The following KCNJ6 variants were observed in gnomAD, a reference collection of about 807,000 sequenced individuals.
The protein encoded by KCNJ6 is G protein-activated inward rectifier potassium channel 2.
KCNJ6 carries 9 observed loss-of-function variants against 34.2 expected under a neutral mutation model. The ratio of observed to expected loss-of-function variants is 0.26; its 90% CI spans 0.16 to 0.46. The LOEUF (loss-of-function observed/expected upper bound fraction) is 0.46, where lower values mean the gene tolerates loss of function less well. Among genes scored for constraint, KCNJ6 ranks in the 20% least tolerant of loss-of-function variants. The pLI is 1.00. For missense variants in KCNJ6, 236 were observed against 531.3 expected (o/e 0.44, Z 5.46); for synonymous variants, 196 against 207.1 (o/e 0.95, Z 0.46).
At chr21:37,785,780 C>T (rs1229909389) in intron 2 of KCNJ6, among the ~76,000 whole-genome samples, 2 of 152,200 alleles carry the variant, frequency 1.3e-5, no homozygotes, top group East Asian at 1.9e-4. Context: ...TCGTCATCCA[C>T]AAGGTGATGG....
At chr21:37,671,493 G>A (rs1042803792) in intron 3 of KCNJ6, among the ~76,000 whole-genome samples, 15 of 152,242 alleles carry the variant, frequency 9.9e-5, no homozygotes, top group Admixed American at 9.8e-4. Context: ...ATGGGTAGGT[G>A]TAAGTAGAGT....
intron 3 of KCNJ6, among the ~76,000 whole-genome samples, chr21:37,644,551 C>T (rs935709779): frequency 2.6e-5 from 4 of 152,068 alleles, no homozygotes; most frequent in African/African-American, 7.2e-5. Flanking sequence ...GGAAATAGAA[C>T]GTGTAAACCT....
At chr21:37,824,750 G>A (rs2055390721) in intron 2 of KCNJ6, among the ~76,000 whole-genome samples, 1 of 152,186 alleles carries the variant, frequency 6.6e-6, no homozygotes, top group Non-Finnish European at 1.5e-5. Context: ...ATAATTGTAA[G>A]TTTCCTGAGG....
chr21:37,842,519 G>A (rs1009891968), intron 1 of KCNJ6, among the ~76,000 whole-genome samples: 3 of 152,202 alleles, frequency 2.0e-5, no homozygotes, highest in African/African-American at 7.2e-5. Context: ...AAATCAGCAC[G>A]CTGCCTCTTA....
chr21:37,669,172 C>T (rs1383682555), intron 3 of KCNJ6, among the ~76,000 whole-genome samples: 7 of 152,176 alleles, frequency 4.6e-5, no homozygotes, highest in Non-Finnish European at 1.0e-4. Flanking sequence ...CAACCAATTG[C>T]CAATCAGAAA....
chr21:37,699,378 T>C (rs906763399), intron 3 of KCNJ6, among the ~76,000 whole-genome samples: 4 of 152,192 alleles, frequency 2.6e-5, no homozygotes, highest in Admixed American at 2.6e-4. Context: ...TTCCCACTCC[T>C]CCTCTATTAC....
chr21:37,742,553 T>C (rs530637889), intron 2 of KCNJ6, among the ~76,000 whole-genome samples: 1 of 152,320 alleles, frequency 6.6e-6, no homozygotes, highest in East Asian at 1.9e-4. Flanking sequence ...GAGGTAACCA[T>C]TGTTGACATT....
chr21:37,671,201 G>A (rs1050652781), intron 3 of KCNJ6, among the ~76,000 whole-genome samples: 5 of 152,082 alleles, frequency 3.3e-5, no homozygotes, highest in Admixed American at 1.3e-4. Flanking sequence ...TGAGACTTTC[G>A]GTCCCACCCC....
intron 3 of KCNJ6, among the ~76,000 whole-genome samples, chr21:37,630,162 T>TGG (rs748374656): frequency 1.6e-5 from 1 of 64,456 alleles, no homozygotes; most frequent in African/African-American, 5.7e-5. Context: ...GTGTGTGGTG[T>TGG]TTATGTTCCA....
chr21:37,707,735 G>GTGTGTGTGTGTATATGTGTGC (rs1267356647), intron 3 of KCNJ6, among the ~76,000 whole-genome samples: 5 of 149,796 alleles, frequency 3.3e-5, no homozygotes, highest in Non-Finnish European at 4.4e-5. Flanking sequence ...GTGTGTGTGT[G>GTGTGTGTGTGTATATGTGTGC]AATAATTTAC....
intron 2 of KCNJ6, among the ~76,000 whole-genome samples, chr21:37,826,384 G>A (rs749674452): frequency 5.3e-5 from 8 of 152,116 alleles, no homozygotes; most frequent in African/African-American, 1.2e-4. Context: ...ATTTGATACC[G>A]TGTCTTAGTT....
rs2054296201 is a variant in KCNJ6 at position 37,623,300 on chromosome 21, G to C, written c.*1859C>G. 1 of 152,192 alleles carries C rather than the reference G, an allele frequency of 6.6e-6. No homozygotes were observed. The highest frequency in any genetic ancestry group is 2.4e-5 in the African/African-American group (1 of 41,442). 9.4% of individuals were successfully genotyped at this position (152,192 alleles called of 1,614,324 possible). On this transcript the variant is annotated 3_prime_UTR_variant, in exon 4 of 4. Transcript: ENST00000609713. ...GACAAGGTCCCCAGACTACACCAAA[G>C]GCCTGTGCGATCAGGTCAGGGAAGG...
At chr21:37,680,068 T>C (rs76468736) in intron 3 of KCNJ6, among the ~76,000 whole-genome samples, 4,062 of 152,288 alleles carry the variant, frequency 0.027, 183 homozygotes, top group African/African-American at 0.091. Flanking sequence ...ATGCCTTTTT[T>C]CCTGTCTCTC....
chr21:37,679,981 T>C (rs1195816322), intron 3 of KCNJ6, among the ~76,000 whole-genome samples: 1 of 152,220 alleles, frequency 6.6e-6, no homozygotes, highest in Non-Finnish European at 1.5e-5. Context: ...CTGGATACCA[T>C]TGTGACCATT....
intron 3 of KCNJ6, among the ~76,000 whole-genome samples, chr21:37,680,659 C>T (rs1460693072): frequency 6.6e-6 from 1 of 152,194 alleles, no homozygotes; most frequent in Non-Finnish European, 1.5e-5. Flanking sequence ...GACTGTACTA[C>T]AGCTGGGACA....
intron 3 of KCNJ6, among the ~76,000 whole-genome samples, chr21:37,671,241 G>T (rs1321838392): frequency 6.6e-6 from 1 of 152,216 alleles, no homozygotes; most frequent in Non-Finnish European, 1.5e-5. Context: ...GGGGGTTGAA[G>T]GTTCAGTTGA....
chr21:37,892,796 C>A (rs1396139838), intron 1 of KCNJ6, among the ~76,000 whole-genome samples: 1 of 151,706 alleles, frequency 6.6e-6, no homozygotes. Context: ...AATCACTATA[C>A]AGGAGAGTGA....
intron 1 of KCNJ6, among the ~76,000 whole-genome samples, chr21:37,888,909 C>G (rs1356414683): frequency 6.6e-6 from 1 of 152,180 alleles, no homozygotes; most frequent in African/African-American, 2.4e-5. Flanking sequence ...CTGAGGTCAT[C>G]AAGGTATAAC....
chr21:37,723,873 G>A (rs189617186), intron 2 of KCNJ6, among the ~76,000 whole-genome samples: 3 of 151,912 alleles, frequency 2.0e-5, no homozygotes. Flanking sequence ...ATATGCCCAT[G>A]TAACAATCCT....
Sources: gnomAD v4.1 joint callset for allele counts (sites outside exome capture counted in the v4.1 genomes callset) on GRCh38, gnomAD v4.1.1 for gene constraint, MANE v1.5 for transcripts, NCBI Gene and HGNC (gene_info 2026-07-23, HGNC 2026-07-21) for gene names.